The following PXDN variants were observed in gnomAD, a reference collection of about 807,000 sequenced individuals.
PXDN encodes the protein peroxidasin, also known as peroxidasin homolog.
Under a neutral mutation model 140.3 loss-of-function variants are expected in PXDN, and 77 were observed. The observed-to-expected ratio is 0.55, with a 90% confidence interval of 0.46 to 0.66. The LOEUF (loss-of-function observed/expected upper bound fraction) is 0.66. Ranked by LOEUF, PXDN falls within the 30% of genes least tolerant of loss-of-function variation. The pLI is 0.00. For synonymous variants in PXDN, 911 were observed against 857.4 expected (o/e 1.06, Z -1.09); for missense variants, 1,838 against 2,039.5 (o/e 0.90, Z 1.90).
chr2:1,639,175 T>C lies in PXDN; in HGVS notation c.4073+127A>G. The C allele has an allele frequency of 2.0e-6, 3 of 1,489,748 alleles. No homozygotes were observed. The highest frequency in any genetic ancestry group is 1.8e-6 in the Non-Finnish European group (2 of 1,106,024). The allele number at this position is 1,489,748 out of a possible 1,614,324, so 92.3% of individuals were successfully genotyped here. ...ACGCAGGCTGCGGCCTGGCCCCCAG[T>C]GCCCTGGGACGTCCCTGCCAGGAAC... On this transcript the variant is annotated intron_variant, in intron 20 of 22. Coordinates refer to ENST00000252804, the MANE Select transcript of PXDN (RefSeq NM_012293.3). The surrounding 1 kb of genome is among the most constrained non-coding windows in gnomAD (Gnocchi z 5.0).
chr2:1,663,503 G>A lies in PXDN; in HGVS notation c.1567+102C>T, dbSNP rs1038700558. The A allele has an allele frequency of 1.8e-5, 26 of 1,479,616 alleles. 1 individual carries two copies. The highest frequency in any genetic ancestry group is 3.5e-4 in the Middle Eastern group (2 of 5,644). 91.7% of individuals were successfully genotyped at this position (1,479,616 alleles called of 1,614,324 possible). On this transcript the variant is annotated intron_variant, in intron 12 of 22. Coordinates refer to ENST00000252804, the MANE Select transcript of PXDN (RefSeq NM_012293.3). ...ACAAAATGCAGAGAGAACAGCCAAC[G>A]CTTTATAACGAAGAGTAACACTAAT...
At chr2:1,698,312 T>C (rs969532301) in intron 1 of PXDN, among the ~76,000 whole-genome samples, 1 of 152,180 alleles carries the variant, frequency 6.6e-6, no homozygotes, top group African/African-American at 2.4e-5. Flanking sequence ...AGGCAACCTC[T>C]GAGCTAGGCA....
chr2:1,722,182 A>G (rs1218605445), intron 1 of PXDN, among the ~76,000 whole-genome samples: 1 of 152,236 alleles, frequency 6.6e-6, no homozygotes, highest in East Asian at 1.9e-4. Context: ...AAAATAGAAC[A>G]TGTAAGAAGA....
At chr2:1,731,602 T>G (rs1184337812) in intron 1 of PXDN, among the ~76,000 whole-genome samples, 2 of 152,150 alleles carry the variant, frequency 1.3e-5, no homozygotes, top group Non-Finnish European at 2.9e-5. Context: ...CTAAACAGCT[T>G]GGCTTGTGAC....
rs987048787 is a variant in PXDN at position 1,660,122 on chromosome 2, G to T, written c.1837+759C>A. 6.6e-6 allele frequency among the ~76,000 whole-genome samples: 1 copy of T among 152,128 alleles called. No homozygotes were observed. Among genetic ancestry groups the T allele is most frequent in the Non-Finnish European group, 1.5e-5 (1 of 68,038 alleles). On this transcript the variant is annotated intron_variant, in intron 14 of 22. Coordinates refer to ENST00000252804, the MANE Select transcript of PXDN (RefSeq NM_012293.3). This position sits in a 1 kb window ranked among gnomAD's most constrained non-coding sequence, Gnocchi z 4.6. ...ACACCACTGATGAGGCGCAGGTTTG[G>T]GTCACACTGTGAAGACTCCATGCAA...
chr2:1,681,182 A>G (rs1572154783), intron 6 of PXDN, among the ~76,000 whole-genome samples: 1 of 152,256 alleles, frequency 6.6e-6, no homozygotes, highest in Non-Finnish European at 1.5e-5. Flanking sequence ...TGGAGCCCAC[A>G]GAGGTTTGTG....
At chr2:1,644,234 AT>A (rs1284232187) in intron 18 of PXDN, among the ~76,000 whole-genome samples, 1 of 152,150 alleles carries the variant, frequency 6.6e-6, no homozygotes, top group Non-Finnish European at 1.5e-5. Context: ...TTTCCACTAC[AT>A]TAAAGTAAAG....
At chr2:1,709,995 C>T (rs963813141) in intron 1 of PXDN, among the ~76,000 whole-genome samples, 2 of 152,182 alleles carry the variant, frequency 1.3e-5, no homozygotes, top group Non-Finnish European at 2.9e-5. Flanking sequence ...CTGCCCAATG[C>T]AAACAGCACA....
At chr2:1,717,876 C>T (rs1684930289) in intron 1 of PXDN, among the ~76,000 whole-genome samples, 1 of 151,896 alleles carries the variant, frequency 6.6e-6, no homozygotes, top group Non-Finnish European at 1.5e-5. Context: ...ATTCTACTAA[C>T]CACCTACCCA....
At chr2:1,725,086 T>A (rs1029432670) in intron 1 of PXDN, among the ~76,000 whole-genome samples, 1 of 152,346 alleles carries the variant, frequency 6.6e-6, no homozygotes, top group African/African-American at 2.4e-5. Context: ...TCTCCTTGGT[T>A]AATTTATTCC....
chr2:1,666,515 T>C (rs377280662), intron 9 of PXDN, 29 bp from the exon 10 acceptor site: 1 of 1,567,114 alleles, frequency 6.4e-7, no homozygotes, highest in African/African-American at 1.4e-5. Flanking sequence ...AATTCTCAAT[T>C]AATTTCTCCC....
At chr2:1,724,507 G>A (rs2125483992) in intron 1 of PXDN, among the ~76,000 whole-genome samples, 1 of 152,222 alleles carries the variant, frequency 6.6e-6, no homozygotes, top group East Asian at 1.9e-4. Context: ...TAAAGATCTT[G>A]CTGCAGAACA....
chr2:1,709,457 T>G (rs1204297199), intron 1 of PXDN, among the ~76,000 whole-genome samples: 2 of 142,818 alleles, frequency 1.4e-5, no homozygotes, highest in Non-Finnish European at 3.1e-5. Context: ...ACAGCGGGGC[T>G]GGGGTGCAGC....
At chr2:1,689,095 G>A (rs775645511) in intron 3 of PXDN, among the ~76,000 whole-genome samples, 5 of 152,104 alleles carry the variant, frequency 3.3e-5, no homozygotes, top group Non-Finnish European at 7.3e-5. Flanking sequence ...TGGCAAGGCT[G>A]TTACTTCTCT....
At chr2:1,722,207 A>T (rs1685069794) in intron 1 of PXDN, among the ~76,000 whole-genome samples, 1 of 152,178 alleles carries the variant, frequency 6.6e-6, no homozygotes, top group Non-Finnish European at 1.5e-5. Flanking sequence ...AATTAAGCCA[A>T]AGCAGTCCCT....
Position 1,648,093 on chromosome 2 carries a change from C to T in PXDN, c.3608+79G>A. 6.6e-7 allele frequency: 1 copy of T among 1,517,898 alleles called. No individual in the cohort carries two copies. The allele number at this position is 1,517,898 out of a possible 1,614,324, so 94.0% of individuals were successfully genotyped here. ...CACGAACAAAACTCACACACAGAGA[C>T]AAATAACACACACACCACAGTTCAG... On this transcript the variant is annotated intron_variant, in intron 17 of 22. Coordinates refer to ENST00000252804, the MANE Select transcript of PXDN (RefSeq NM_012293.3). The surrounding 1 kb of genome is among the most constrained non-coding windows in gnomAD (Gnocchi z 8.9).
chr2:1,690,648 CAAAAAAAAAAAAAA>C (rs35970382), intron 3 of PXDN, among the ~76,000 whole-genome samples: 1 of 68,638 alleles, frequency 1.5e-5, no homozygotes, highest in African/African-American at 5.7e-5. Context: ...TTCAAAATAC[CAAAAAAAAAAAAAA>C]AAAAAAAAAG....
At chr2:1,659,814 A>G (rs181087867) in intron 14 of PXDN, among the ~76,000 whole-genome samples, 32 of 152,338 alleles carry the variant, frequency 2.1e-4, no homozygotes, top group African/African-American at 7.7e-4. Context: ...AATTCTTAAA[A>G]GTCTTTGAGG....
intron 1 of PXDN, among the ~76,000 whole-genome samples, chr2:1,737,831 G>A (rs1685455287): frequency 6.6e-6 from 1 of 152,120 alleles, no homozygotes; most frequent in Non-Finnish European, 1.5e-5. Flanking sequence ...GAGCCTCCAT[G>A]CCCCCCTTAA....
Sources: gnomAD v4.1 joint callset for allele counts (sites outside exome capture counted in the v4.1 genomes callset) on GRCh38, gnomAD v4.1.1 for gene constraint, Gnocchi (gnomAD v3.1) non-coding constraint, MANE v1.5 for transcripts, NCBI Gene and HGNC (gene_info 2026-07-23, HGNC 2026-07-21) for gene names.